The following ARHGAP26 variants were observed in gnomAD, a reference collection of about 807,000 sequenced individuals.
ARHGAP26 encodes rho GTPase-activating protein 26.
In ARHGAP26, 38 loss-of-function variants were observed where a neutral mutation model predicts 104.8. The observed-to-expected ratio is 0.36, with a 90% confidence interval of 0.28 to 0.48. The LOEUF (loss-of-function observed/expected upper bound fraction) is 0.48. Ranked by LOEUF, ARHGAP26 falls within the 20% of genes least tolerant of loss-of-function variation. ARHGAP26 has a pLI of 0.99. For synonymous variants in ARHGAP26, 341 were observed against 340.0 expected (o/e 1.00, Z -0.03); for missense variants, 704 against 947.9 (o/e 0.74, Z 3.38).
rs74357866 is a variant in ARHGAP26, at chr5:143,045,568, G to A, written c.1285+3678G>A. Among the ~76,000 whole-genome samples the A allele has an allele frequency of 2.0e-3, 312 of 152,296 alleles. 4 individuals carry two copies. The East Asian group carries it at 0.041, about 20-fold the overall frequency. On this transcript the variant is annotated intron_variant, in intron 14 of 22. Transcript: ENST00000645722. ...TGCTCCAAAACCTTCCCCTGAGATGGCTGGGCCGAGTGAACCTTTCATTAA... is the reference window on the plus strand; with the variant it reads ...TGCTCCAAAACCTTCCCCTGAGATGACTGGGCCGAGTGAACCTTTCATTAA...
intron 11 of ARHGAP26, among the ~76,000 whole-genome samples, chr5:142,933,750 A>G (rs1346702531): frequency 6.6e-6 from 1 of 152,222 alleles, no homozygotes; most frequent in African/African-American, 2.4e-5. Context: ...GTACATAGGC[A>G]GTCATGGGCC....
At position 142,770,728 on chromosome 5, in the gene ARHGAP26, G is replaced by A; in HGVS notation, c.-34G>A. 8.2e-7 allele frequency: 1 copy of A among 1,213,356 alleles called. No homozygotes were observed. The highest frequency in any genetic ancestry group is 1.0e-6 in the Non-Finnish European group (1 of 966,214). 75.2% of individuals were successfully genotyped at this position (1,213,356 alleles called of 1,614,324 possible). A position where few individuals can be genotyped will look rare whatever the true frequency, so the allele number is the denominator to read the frequency against. On this transcript the variant is annotated 5_prime_UTR_variant, in exon 1 of 23. Transcript: ENST00000645722. ...GCGGCGGGCGGCCCGGGCCCCGGCG[G>A]AGGCGCGCCCCCCGGCTGGGCGCCG...
chr5:142,777,658 T>C (rs1304263991), intron 1 of ARHGAP26, among the ~76,000 whole-genome samples: 1 of 152,220 alleles, frequency 6.6e-6, no homozygotes, highest in Non-Finnish European at 1.5e-5. Flanking sequence ...GAGACCCTGC[T>C]CTGCCTTTAC....
At chr5:142,985,784 G>C (rs1181257473) in intron 11 of ARHGAP26, among the ~76,000 whole-genome samples, 4 of 151,610 alleles carry the variant, frequency 2.6e-5, no homozygotes, top group Admixed American at 6.6e-5. Flanking sequence ...GCGATAGTTT[G>C]CTGAGAATGA....
At chr5:142,946,484 G>T (rs1309483313) in intron 11 of ARHGAP26, 1 of 152,098 alleles carries the variant, frequency 6.6e-6, no homozygotes, top group Admixed American at 6.6e-5. Context: ...GCAAAAGAAA[G>T]TTCTTATAAG....
At chr5:142,944,388 G>A (rs1393266653) in intron 11 of ARHGAP26, among the ~76,000 whole-genome samples, 1 of 152,074 alleles carries the variant, frequency 6.6e-6, no homozygotes, top group Non-Finnish European at 1.5e-5. Context: ...CATTTTTCTA[G>A]GATACATATC....
intron 20 of ARHGAP26, among the ~76,000 whole-genome samples, chr5:143,190,739 T>G (rs1805811906): frequency 6.6e-6 from 1 of 152,206 alleles, no homozygotes; most frequent in Admixed American, 6.5e-5. Context: ...AGCCACACAC[T>G]GGGAAAATAT....
intron 17 of ARHGAP26, among the ~76,000 whole-genome samples, chr5:143,114,809 G>T (rs367564227): frequency 2.0e-5 from 3 of 152,128 alleles, no homozygotes; most frequent in Admixed American, 2.0e-4. Context: ...TGACCGTGAC[G>T]TATCTCTTAG....
At chr5:142,897,704 T>C (rs892783762) in intron 6 of ARHGAP26, among the ~76,000 whole-genome samples, 2 of 152,248 alleles carry the variant, frequency 1.3e-5, no homozygotes, top group Admixed American at 6.5e-5. Flanking sequence ...TGCTAAGCGC[T>C]TTACCTACAG....
intron 11 of ARHGAP26, among the ~76,000 whole-genome samples, chr5:142,994,504 G>A (rs1184674675): frequency 6.6e-6 from 1 of 152,164 alleles, no homozygotes; most frequent in Non-Finnish European, 1.5e-5. Context: ...GCCACATGAA[G>A]GGTATGCAGT....
At chr5:142,878,742 A>G (rs1193960845) in intron 3 of ARHGAP26, among the ~76,000 whole-genome samples, 1 of 152,184 alleles carries the variant, frequency 6.6e-6, no homozygotes, top group East Asian at 1.9e-4. Flanking sequence ...GCCAAATGCT[A>G]CGGCCCTGAG....
chr5:143,104,076 G>A (rs776866816), intron 17 of ARHGAP26, among the ~76,000 whole-genome samples: 1 of 150,590 alleles, frequency 6.6e-6, no homozygotes, highest in African/African-American at 2.4e-5. Context: ...TTTCAAAATA[G>A]CAATACCTTA....
chr5:142,979,777 A>G (rs1017230461), intron 11 of ARHGAP26, among the ~76,000 whole-genome samples: 1 of 152,248 alleles, frequency 6.6e-6, no homozygotes, highest in Non-Finnish European at 1.5e-5. Flanking sequence ...AGGTAATTCC[A>G]TATGAAGTTT....
intron 1 of ARHGAP26, among the ~76,000 whole-genome samples, chr5:142,807,399 G>A (rs1019315736): frequency 1.3e-5 from 2 of 152,228 alleles, no homozygotes; most frequent in Admixed American, 1.3e-4. Context: ...GAGCCTCTCA[G>A]ATCAGCAGTT....
chr5:143,129,018 G>A (rs1162157883), intron 18 of ARHGAP26, among the ~76,000 whole-genome samples: 2 of 152,134 alleles, frequency 1.3e-5, no homozygotes, highest in Non-Finnish European at 2.9e-5. Flanking sequence ...GATTGAAGAA[G>A]GTCTAAAAAT....
At chr5:143,044,122 T>G (rs1477328445) in intron 14 of ARHGAP26, among the ~76,000 whole-genome samples, 1 of 152,210 alleles carries the variant, frequency 6.6e-6, no homozygotes, top group Non-Finnish European at 1.5e-5. Context: ...TTCTCAATAG[T>G]GGGATTATAT....
chr5:142,863,721 G>A (rs896594485), intron 1 of ARHGAP26, among the ~76,000 whole-genome samples: 1 of 152,140 alleles, frequency 6.6e-6, no homozygotes, highest in Non-Finnish European at 1.5e-5. Flanking sequence ...GGCTTCACCT[G>A]GGAATTAGAA....
At chr5:142,980,168 G>A (rs184917129) in intron 11 of ARHGAP26, among the ~76,000 whole-genome samples, 16 of 152,232 alleles carry the variant, frequency 1.1e-4, no homozygotes, top group Middle Eastern at 3.4e-3. Flanking sequence ...TACTCTTTGT[G>A]TGTGGCTCCT....
At chr5:142,974,947 A>G (rs1772846186) in intron 11 of ARHGAP26, among the ~76,000 whole-genome samples, 1 of 152,110 alleles carries the variant, frequency 6.6e-6, no homozygotes, top group Non-Finnish European at 1.5e-5. Flanking sequence ...AAGAGTGGGA[A>G]ATGGCTTTTT....
Sources: allele counts gnomAD v4.1 joint callset (sites outside exome capture counted in the v4.1 genomes callset), GRCh38; gene constraint gnomAD v4.1.1; transcripts MANE v1.5; gene names NCBI Gene and HGNC (gene_info 2026-07-23, HGNC 2026-07-21).